The following ZNF551 variants were observed in gnomAD, a reference collection of about 807,000 sequenced individuals.
The protein encoded by ZNF551 is zinc finger protein 551.
In ZNF551, 5 loss-of-function variants were observed where a neutral mutation model predicts 7.9. The ratio of observed to expected loss-of-function variants is 0.63; its 90% confidence interval spans 0.33 to 1.33. The LOEUF is 1.33. Among genes scored for constraint, ZNF551 ranks in the 40% most tolerant of loss-of-function variants. ZNF551 has a pLI of 0.05. For missense variants in ZNF551, 788 were observed against 825.2 expected (o/e 0.95, Z 0.55); for synonymous variants, 287 against 277.3 (o/e 1.03, Z -0.35).
rs752306355 is a variant in ZNF551, at chr19:57,686,737, C to T, written c.462C>T (p.Tyr154=). The T allele has an allele frequency of 2.4e-5, 39 of 1,614,064 alleles. No homozygotes were observed. Among genetic ancestry groups the T allele is most frequent in the Non-Finnish European group, 3.1e-5 (37 of 1,180,048 alleles). ...SADLHQHQKH[Y]NEEEPWKRKV... ...ACCTTCACCAGCATCAAAAGCATTACAATGAAGAAGAGCCCTGGAAAAGGA... is the reference window on the plus strand; with the variant it reads ...ACCTTCACCAGCATCAAAAGCATTATAATGAAGAAGAGCCCTGGAAAAGGA... Residue 154 remains tyrosine (Y), a synonymous_variant, in exon 3 of 3, where the codon TAC becomes TAT. Transcript: ENST00000282296.
At chr19:57,683,796 G>A (rs965875793) in intron 1 of ZNF551, among the ~76,000 whole-genome samples, 3 of 152,136 alleles carry the variant, frequency 2.0e-5, no homozygotes, top group Non-Finnish European at 4.4e-5. Context: ...CTTCTCAGGG[G>A]TGAGTAGACA....
intron 1 of ZNF551, among the ~76,000 whole-genome samples, chr19:57,683,413 C>T (rs186834884): frequency 6.6e-6 from 1 of 152,272 alleles, no homozygotes; most frequent in East Asian, 1.9e-4. Flanking sequence ...TGGGGAAGTA[C>T]ATAGTAGGAG....
rs141938386 is a variant in ZNF551, at chr19:57,687,139, T to C, written c.864T>C (p.Phe288=). The C allele has an allele frequency of 3.1e-6, 5 of 1,614,228 alleles. No homozygotes were observed. Among genetic ancestry groups the C allele is most frequent in the Non-Finnish European group, 3.4e-6 (4 of 1,180,046 alleles). The part of the protein sequence containing the change: ...MFECSECEES[F]SKKCHLILHK... ...AGTGTAGTGAATGTGAGGAATCCTT[T>C]AGCAAAAAGTGCCACCTAATCTTAC... is the stretch of plus-strand genomic sequence containing the variant. Residue 288 remains phenylalanine, a synonymous_variant, in exon 3 of 3, where the codon TTT becomes TTC. Transcript: ENST00000282296.
chr19:57,686,223 G>A (rs1984548358), intron 2 of ZNF551, among the ~76,000 whole-genome samples: 1 of 152,216 alleles, frequency 6.6e-6, no homozygotes, highest in South Asian at 2.1e-4. Context: ...GTCCTGCTGA[G>A]GGCTTTGGCA....
intron 1 of ZNF551, among the ~76,000 whole-genome samples, chr19:57,683,349 G>A (rs1984450337): frequency 4.6e-5 from 7 of 152,220 alleles, no homozygotes; most frequent in Admixed American, 1.3e-4. Context: ...AGTCAGGGAT[G>A]ACTGAAAGGT....
At position 57,687,209 on chromosome 19, in the gene ZNF551, C is replaced by A; in HGVS notation, c.934C>A (p.Arg312Ser). 6.2e-7 allele frequency: 1 copy of A among 1,612,984 alleles called. No individual in the cohort carries two copies. Among genetic ancestry groups the A allele is most frequent in the Non-Finnish European group, 8.5e-7 (1 of 1,179,626 alleles). ...TGERPYECSDREKAFIHKSEF... is the reference protein window; with the variant it reads ...TGERPYECSDSEKAFIHKSEF... ...AGAAAGGCCTTATGAATGCAGTGAT[C>A]GTGAGAAAGCCTTTATCCATAAATC... Residue 312 changes from arginine to serine, a missense_variant, in exon 3 of 3, where the codon CGT (arginine) becomes AGT (serine). Physicochemically the swap from Arg to Ser is moderately radical, Grantham distance 110. Transcript: ENST00000282296.
intron 2 of ZNF551, among the ~76,000 whole-genome samples, 177 bp from the exon 3 acceptor site, chr19:57,686,304 T>C (rs977866186): frequency 7.2e-5 from 11 of 152,258 alleles, no homozygotes; most frequent in African/African-American, 2.7e-4. Context: ...CGTGATGAGA[T>C]GACATCTCTA....
rs951252415 is a variant in ZNF551 at position 57,687,548 on chromosome 19, G to A, written c.1273G>A (p.Gly425Arg). 30 of 1,614,114 alleles carry A rather than the reference G, an allele frequency of 1.9e-5. No homozygotes were observed. Among genetic ancestry groups the A allele is most frequent in the Non-Finnish European group, 2.5e-5 (29 of 1,180,010 alleles). Residue 425 changes from glycine (G) to arginine (R), a missense_variant, in exon 3 of 3, where the codon GGG becomes AGG. Coordinates refer to ENST00000282296, the MANE Select transcript of ZNF551 (RefSeq NM_138347.5). ...GEMPYQCSDC[G>R]KSFSCKSELI... is the part of the protein sequence containing the mutation. ...AATGCCTTATCAGTGCAGTGATTGTGGGAAATCTTTTAGCTGCAAATCGGA... is the reference window on the plus strand; with the variant it reads ...AATGCCTTATCAGTGCAGTGATTGTAGGAAATCTTTTAGCTGCAAATCGGA...
intron 1 of ZNF551, 126 bp from the exon 2 acceptor site, chr19:57,685,136 C>G: frequency 8.0e-7 from 1 of 1,257,002 alleles, no homozygotes; most frequent in African/African-American, 1.5e-5. Context: ...GGGTAGGCAT[C>G]GGTGGCACTG....
chr19:57,683,743 G>A lies in ZNF551; in HGVS notation c.81+1499G>A, dbSNP rs78084889. On this transcript the variant is annotated intron_variant, in intron 1 of 2. Coordinates refer to ENST00000282296, the MANE Select transcript of ZNF551 (RefSeq NM_138347.5). ...ACAGGTCTTGGACAGAAGTGTTCAC[G>A]GTGAGGGTCGTACAGAGATTATGAT... is the stretch of plus-strand genomic sequence containing the variant. Among the ~76,000 whole-genome samples, 1,374 of 152,250 alleles carry A rather than the reference G, an allele frequency of 9.0e-3. 10 individuals carry two copies. The highest frequency in any genetic ancestry group is 0.014 in the Non-Finnish European group (939 of 68,018).
chr19:57,687,862 A>C lies in ZNF551; in HGVS notation c.1587A>C (p.Arg529Ser), dbSNP rs373378904. Residue 529 changes from arginine (R) to serine (S), a missense_variant, in exon 3 of 3, where the codon AGA becomes AGC. By Grantham distance (110) the Arg-to-Ser change is moderately radical (BLOSUM62 -1). Coordinates refer to ENST00000282296, the MANE Select transcript of ZNF551 (RefSeq NM_138347.5). ...IQHRRIHTGT[R>S]PYECSECGKS... ...ACCGGAGAATTCATACTGGCACAAG[A>C]CCTTATGAGTGCAGTGAATGTGGCA... The C allele has an allele frequency of 3.1e-6, 5 of 1,613,764 alleles. No individual in the cohort carries two copies. Among genetic ancestry groups the C allele is most frequent in the Non-Finnish European group, 4.2e-6 (5 of 1,179,958 alleles).
At chr19:57,683,938 C>T (rs1349977984) in intron 1 of ZNF551, among the ~76,000 whole-genome samples, 1 of 151,936 alleles carries the variant, frequency 6.6e-6, no homozygotes, top group African/African-American at 2.4e-5. Context: ...CAGGCTGTCA[C>T]GTTATCTTAG....
chr19:57,687,219 C>G lies in ZNF551; in HGVS notation c.944C>G (p.Ala315Gly), dbSNP rs776235061. The change falls in exon 3 of 3, where the codon GCC (alanine) becomes GGC (glycine). Residue 315 changes from alanine to glycine, a missense_variant. Transcript: ENST00000282296. The part of the protein sequence containing the change: ...RPYECSDREK[A>G]FIHKSEFIHH... Reference sequence around the variant, plus strand: ...TATGAATGCAGTGATCGTGAGAAAGCCTTTATCCATAAATCTGAATTCATT... The same window carrying G: ...TATGAATGCAGTGATCGTGAGAAAGGCTTTATCCATAAATCTGAATTCATT... The G allele has an allele frequency of 5.6e-6, 9 of 1,614,120 alleles. No individual in the cohort carries two copies. The highest frequency in any genetic ancestry group is 1.3e-5 in the African/African-American group (1 of 75,022).
rs1458511203 is a variant in ZNF551, at chr19:57,687,771, G to C, written c.1496G>C (p.Gly499Ala). 6.2e-7 allele frequency: 1 copy of C among 1,614,206 alleles called. No individual in the cohort carries two copies. The highest frequency in any genetic ancestry group is 1.1e-5 in the South Asian group (1 of 91,088). The change falls in exon 3 of 3, where the codon GGA (glycine) becomes GCA (alanine). Residue 499 changes from glycine to alanine, a missense_variant. Coordinates refer to ENST00000282296, the MANE Select transcript of ZNF551 (RefSeq NM_138347.5). ...ATTCAACACCAAAGAGTTCACACTG[G>C]AGAAAGACCTTATGAATGCAGTGAA... ...ILIQHQRVHT[G>A]ERPYECSECG...
chr19:57,687,171 T>C lies in ZNF551; in HGVS notation c.896T>C (p.Ile299Thr). 6.2e-7 allele frequency: 1 copy of C among 1,614,226 alleles called. No individual in the cohort carries two copies. The highest frequency in any genetic ancestry group is 8.5e-7 in the Non-Finnish European group (1 of 1,180,044). The change falls in exon 3 of 3, where the codon ATA becomes ACA. Residue 299 changes from isoleucine (I) to threonine (T), a missense_variant. Coordinates refer to ENST00000282296, the MANE Select transcript of ZNF551 (RefSeq NM_138347.5). The part of the protein sequence containing the change: ...SKKCHLILHK[I>T]IHTGERPYEC... ...AAGTGCCACCTAATCTTACACAAGA[T>C]AATTCACACTGGAGAAAGGCCTTAT...
In ZNF551 at chr19:57,687,204, G is replaced by A. The variant is rs1006086554; in HGVS notation, c.929G>A (p.Ser310Asn). The A allele has an allele frequency of 1.2e-6, 2 of 1,614,234 alleles. No homozygotes were observed. Among genetic ancestry groups the A allele is most frequent in the Middle Eastern group, 1.6e-4 (1 of 6,062 alleles). ...ACTGGAGAAAGGCCTTATGAATGCA[G>A]TGATCGTGAGAAAGCCTTTATCCAT... Reference protein sequence around the residue: ...IHTGERPYECSDREKAFIHKS... With the variant: ...IHTGERPYECNDREKAFIHKS... Residue 310 changes from serine (S) to asparagine (N), a missense_variant, in exon 3 of 3, where the codon AGT becomes AAT. Transcript: ENST00000282296.
chr19:57,685,563 C>A, intron 2 of ZNF551, 178 bp downstream of exon 2: 2 of 878,512 alleles, frequency 2.3e-6, no homozygotes, highest in Non-Finnish European at 3.7e-6. Context: ...TTTCCTCTAG[C>A]TGCCATTTCC....
rs12611105 is a variant in ZNF551, at chr19:57,687,923, C to T, written c.1648C>T (p.Arg550Trp). Residue 550 changes from arginine to tryptophan, a missense_variant, in exon 3 of 3, where the codon CGG (arginine) becomes TGG (tryptophan). Coordinates refer to ENST00000282296, the MANE Select transcript of ZNF551 (RefSeq NM_138347.5). ...FRQRSGLIQH[R>W]RLHTGERPYE... is the part of the protein sequence containing the mutation. Reference sequence around the variant, plus strand: ...ACAGCGCTCTGGCCTCATTCAGCACCGGAGACTTCATACTGGAGAAAGGCC... The same window carrying T: ...ACAGCGCTCTGGCCTCATTCAGCACTGGAGACTTCATACTGGAGAAAGGCC... The T allele has an allele frequency of 9.0e-3, 14,522 of 1,614,086 alleles. 323 individuals are homozygous for T. The East Asian group carries it at 0.1, about 11-fold the overall frequency.
Position 57,687,283 on chromosome 19 carries a change from G to A in ZNF551, c.1008G>A (p.Glu336=). 6.2e-7 allele frequency: 1 copy of A among 1,614,172 alleles called. No homozygotes were observed. Among genetic ancestry groups the A allele is most frequent in the Non-Finnish European group, 8.5e-7 (1 of 1,180,016 alleles). Residue 336 remains glutamate (E), a synonymous_variant, in exon 3 of 3, where the codon GAG becomes GAA. Transcript: ENST00000282296. The part of the protein sequence containing the change: ...QRRHTGGVRH[E]CGECRKTFSY... Reference sequence around the variant, plus strand: ...GTCACACTGGAGGAGTGCGTCATGAGTGTGGTGAATGTAGGAAAACCTTTA... The same window carrying A: ...GTCACACTGGAGGAGTGCGTCATGAATGTGGTGAATGTAGGAAAACCTTTA...
Sources: allele counts gnomAD v4.1 joint callset (sites outside exome capture counted in the v4.1 genomes callset), GRCh38; gene constraint gnomAD v4.1.1; transcripts MANE v1.5; gene names NCBI Gene and HGNC (gene_info 2026-07-23, HGNC 2026-07-21).